EXTL1: variants seen among roughly 807,000 people sequenced by gnomAD.
EXTL1 encodes exostosin like glycosyltransferase 1.
Under a neutral mutation model 64.6 loss-of-function variants are expected in EXTL1, and 43 were observed. That is an observed-to-expected ratio of 0.67 (90% CI 0.52 to 0.86). The LOEUF (loss-of-function observed/expected upper bound fraction) is 0.86. Ranked by LOEUF, EXTL1 falls within the 40% of genes least tolerant of loss-of-function variation. The probability of loss-of-function intolerance (pLI) is 0.00; values close to 1 mark genes in which losing one functional copy is unlikely to be tolerated. For missense variants in EXTL1, 766 were observed against 879.0 expected (o/e 0.87, Z 1.62); for synonymous variants, 352 against 360.5 (o/e 0.98, Z 0.27).
In EXTL1 at chr1:26,035,018, G is replaced by A. The variant is rs749602437; in HGVS notation, c.1848+14G>A. 7 of 1,613,566 alleles carry A rather than the reference G, an allele frequency of 4.3e-6. No homozygotes were observed. In the African/African-American group the frequency reaches 6.7e-5, roughly 15 times the overall value. ...GCTGCTCCACTGGTGAGGGCTGAGG[G>A]GGATTGGTCGGAACTGGCAGGGATT... On this transcript the variant is annotated intron_variant, in intron 10 of 10. Transcript: ENST00000374280. The surrounding 1 kb of genome is among the most constrained non-coding windows in gnomAD (Gnocchi z 5.3).
Position 26,034,604 on chromosome 1 carries a change from G to A in EXTL1, c.1680-232G>A, listed in dbSNP as rs2050319521. On this transcript the variant is annotated intron_variant, in intron 9 of 10. Coordinates refer to ENST00000374280, the MANE Select transcript of EXTL1 (RefSeq NM_004455.3). The surrounding 1 kb of genome is among the most constrained non-coding windows in gnomAD (Gnocchi z 4.6). ...AGCGCTCAGAGCCCAAGGATGGGGG[G>A]CCCAAGGAGCTGTGAGGGAGAGGGC... 6.6e-6 allele frequency among the ~76,000 whole-genome samples: 1 copy of A among 152,164 alleles called. No homozygotes were observed. The highest frequency in any genetic ancestry group is 2.4e-5 in the African/African-American group (1 of 41,420).
Position 26,033,356 on chromosome 1 carries a change from C to T in EXTL1, c.1518+41C>T. On this transcript the variant is annotated intron_variant, in intron 8 of 10. Transcript: ENST00000374280. This position sits in a 1 kb window ranked among gnomAD's most constrained non-coding sequence, Gnocchi z 5.1. Reference sequence around the variant, plus strand: ...AAGAGAAGCCCAGTGTGGGTAGACACAGAGCCAGAGGGCCCTGGCAGCCCC... The same window carrying T: ...AAGAGAAGCCCAGTGTGGGTAGACATAGAGCCAGAGGGCCCTGGCAGCCCC... The T allele has an allele frequency of 1.3e-6, 2 of 1,543,420 alleles. No homozygotes were observed. The highest frequency in any genetic ancestry group is 1.1e-5 in the South Asian group (1 of 89,690).
Position 26,035,058 on chromosome 1 carries a change from G to A in EXTL1, c.1848+54G>A. The stretch of plus-strand genomic sequence containing the variant: ...TGGCAGGGATTGGGCGGGGATGCCG[G>A]AGAGGATTCCCTCTCACTGTCTAAT... On this transcript the variant is annotated intron_variant, in intron 10 of 10. Coordinates refer to ENST00000374280, the MANE Select transcript of EXTL1 (RefSeq NM_004455.3). This position sits in a 1 kb window ranked among gnomAD's most constrained non-coding sequence, Gnocchi z 5.3. The A allele has an allele frequency of 6.2e-7, 1 of 1,605,138 alleles. No homozygotes were observed. The highest frequency in any genetic ancestry group is 8.5e-7 in the Non-Finnish European group (1 of 1,173,578).
In EXTL1 at chr1:26,031,126, T is replaced by C. The variant is rs577312764; in HGVS notation, c.1102-6T>C. Reference sequence around the variant, plus strand: ...CTCGCTCTGCTCAGCTTCTCTCTCATTTTAGGTTATTCAGGACCGGATTTT... The same window carrying C: ...CTCGCTCTGCTCAGCTTCTCTCTCACTTTAGGTTATTCAGGACCGGATTTT... On this transcript the variant is annotated splice_region_variant and splice_polypyrimidine_tract_variant and intron_variant, in intron 4 of 10. Coordinates refer to ENST00000374280, the MANE Select transcript of EXTL1 (RefSeq NM_004455.3). The C allele has an allele frequency of 2.5e-6, 4 of 1,613,996 alleles. No homozygotes were observed. The African/African-American group carries it at 5.3e-5, about 22-fold the overall frequency.
In EXTL1 at chr1:26,034,428, C is replaced by A. The variant is rs1366403349; in HGVS notation, c.1680-408C>A. Among the ~76,000 whole-genome samples, 2 of 152,296 alleles carry A rather than the reference C, an allele frequency of 1.3e-5. No individual in the cohort carries two copies. Among genetic ancestry groups the A allele is most frequent in the Middle Eastern group, 3.4e-3 (1 of 294 alleles). On this transcript the variant is annotated intron_variant, in intron 9 of 10. Transcript: ENST00000374280. This position sits in a 1 kb window ranked among gnomAD's most constrained non-coding sequence, Gnocchi z 4.6. ...AGAGTGAAGAATTACCTAATGTCTG[C>A]GAGATGAGGCTGGCCTGTCTGAGGG...
At position 26,035,263 on chromosome 1, in the gene EXTL1, C is replaced by T. The variant is rs1403028415; in HGVS notation, c.1947C>T (p.Ser649=). 1 of 1,613,706 alleles carries T rather than the reference C, an allele frequency of 6.2e-7. No homozygotes were observed. The highest frequency in any genetic ancestry group is 1.1e-5 in the South Asian group (1 of 91,086). The change falls in exon 11 of 11, where the codon TCC becomes TCT. Residue 649 remains serine, a synonymous_variant. Transcript: ENST00000374280. The surrounding 1 kb of genome is among the most constrained non-coding windows in gnomAD (Gnocchi z 5.3). ...AAAFGHMPLL[S]SRLRLDPVLF... is the part of the protein sequence containing the mutation. ...CGTTCGGCCACATGCCCTTGCTGTC[C>T]TCTCGTCTGCGTCTGGACCCGGTGC...
chr1:26,035,418 G>T lies in EXTL1; in HGVS notation c.*71G>T. ...CAGGGGGCCCGGCGCCTGCCGGCGGGCTCCGCTCTTGGGACACCGGAGAAC... is the reference window on the plus strand; with the variant it reads ...CAGGGGGCCCGGCGCCTGCCGGCGGTCTCCGCTCTTGGGACACCGGAGAAC... On this transcript the variant is annotated 3_prime_UTR_variant, in exon 11 of 11. Coordinates refer to ENST00000374280, the MANE Select transcript of EXTL1 (RefSeq NM_004455.3). This position sits in a 1 kb window ranked among gnomAD's most constrained non-coding sequence, Gnocchi z 5.3. 1.4e-6 allele frequency: 2 copies of T among 1,431,872 alleles called. No homozygotes were observed. Among genetic ancestry groups the T allele is most frequent in the South Asian group, 1.3e-5 (1 of 75,600 alleles). The allele number at this position is 1,431,872 out of a possible 1,614,324, so 88.7% of individuals were successfully genotyped here.
chr1:26,026,923 A>G (rs577974708), intron 1 of EXTL1, among the ~76,000 whole-genome samples: 1 of 152,346 alleles, frequency 6.6e-6, no homozygotes, highest in Admixed American at 6.5e-5. Context: ...GTGCTCATCC[A>G]GTCTCTACTT....
Position 26,023,218 on chromosome 1 carries a change from G to T in EXTL1, c.572G>T (p.Arg191Leu). Residue 191 changes from arginine to leucine, a missense_variant, in exon 1 of 11, where the codon CGG (arginine) becomes CTG (leucine). This residue lies in a region of EXTL1 where 571 missense variants were observed against 647.6 expected (regional missense o/e 0.88). Transcript: ENST00000374280. ...AEASPTVDSF[R>L]PGFDVALPFL... ...GCCAGCCCCACGGTGGACTCCTTCC[G>T]GCCCGGCTTTGATGTGGCCCTCCCT... The T allele has an allele frequency of 6.2e-7, 1 of 1,610,790 alleles. No homozygotes were observed. The highest frequency in any genetic ancestry group is 8.5e-7 in the Non-Finnish European group (1 of 1,177,890).
Position 26,035,232 on chromosome 1 carries a change from C to T in EXTL1, c.1916C>T (p.Ala639Val), listed in dbSNP as rs779394401. 34 of 1,613,456 alleles carry T rather than the reference C, an allele frequency of 2.1e-5. No individual in the cohort carries two copies. The highest frequency in any genetic ancestry group is 2.8e-5 in the Non-Finnish European group (33 of 1,179,902). ...APAPDCINQI[A>V]AAFGHMPLLS... is the part of the protein sequence containing the mutation. Reference sequence around the variant, plus strand: ...GCCCCCGACTGCATCAACCAGATAGCGGCAGCGTTCGGCCACATGCCCTTG... The same window carrying T: ...GCCCCCGACTGCATCAACCAGATAGTGGCAGCGTTCGGCCACATGCCCTTG... Residue 639 changes from alanine (A) to valine (V), a missense_variant, in exon 11 of 11, where the codon GCG (alanine) becomes GTG (valine). Around this residue, in one of 3 missense-constraint regions of EXTL1, gnomAD observed 194 missense variants for 214.5 expected, o/e 0.90. Transcript: ENST00000374280. The surrounding 1 kb of genome is among the most constrained non-coding windows in gnomAD (Gnocchi z 5.3).
chr1:26,032,924 T>A (rs1185425136), intron 7 of EXTL1, among the ~76,000 whole-genome samples: 1 of 151,956 alleles, frequency 6.6e-6, no homozygotes, highest in Non-Finnish European at 1.5e-5. Context: ...CCTCCCAGAG[T>A]TGATGTGACA....
chr1:26,029,711 G>A lies in EXTL1; in HGVS notation c.981+4G>A. On this transcript the variant is annotated splice_donor_region_variant and intron_variant, in intron 3 of 10. Transcript: ENST00000374280. ...TGATGAGAGGCTCCCACTTCAGGTA[G>A]CTCAGAGCCCTGCCCACAGGGTGGG... 6.3e-7 allele frequency: 1 copy of A among 1,595,020 alleles called. No homozygotes were observed. The highest frequency in any genetic ancestry group is 8.6e-7 in the Non-Finnish European group (1 of 1,164,782).
chr1:26,035,399 G>A lies in EXTL1; in HGVS notation c.*52G>A, dbSNP rs1372058941. 3 of 1,506,368 alleles carry A rather than the reference G, an allele frequency of 2.0e-6. No individual in the cohort carries two copies. Among genetic ancestry groups the A allele is most frequent in the Admixed American group, 2.2e-5 (1 of 45,520 alleles). The allele number at this position is 1,506,368 out of a possible 1,614,324, so 93.3% of individuals were successfully genotyped here. ...GAGGTCGCAGCCCAGCTCCCAGGGGGCCCGGCGCCTGCCGGCGGGCTCCGC... is the reference window on the plus strand; with the variant it reads ...GAGGTCGCAGCCCAGCTCCCAGGGGACCCGGCGCCTGCCGGCGGGCTCCGC... On this transcript the variant is annotated 3_prime_UTR_variant, in exon 11 of 11. Transcript: ENST00000374280. This position sits in a 1 kb window ranked among gnomAD's most constrained non-coding sequence, Gnocchi z 5.3.
Position 26,034,696 on chromosome 1 carries a change from G to T in EXTL1, c.1680-140G>T. Reference sequence around the variant, plus strand: ...CACAATGGAGAGCTGTTCACGCCAGGGATGGGAGCTCTCTGAGGCAGCCAG... The same window carrying T: ...CACAATGGAGAGCTGTTCACGCCAGTGATGGGAGCTCTCTGAGGCAGCCAG... On this transcript the variant is annotated intron_variant, in intron 9 of 10. Coordinates refer to ENST00000374280, the MANE Select transcript of EXTL1 (RefSeq NM_004455.3). This position sits in a 1 kb window ranked among gnomAD's most constrained non-coding sequence, Gnocchi z 4.6. 1.3e-6 allele frequency: 1 copy of T among 788,378 alleles called. No homozygotes were observed. Among genetic ancestry groups the T allele is most frequent in the Non-Finnish European group, 2.1e-6 (1 of 477,802 alleles). 48.8% of individuals were successfully genotyped at this position (788,378 alleles called of 1,614,324 possible).
rs762006652 is a variant in EXTL1, at chr1:26,033,061, G to A, written c.1432-168G>A. ...ATGAGTTGCCCAGGTCCCAAAACGA[G>A]CTCTGCACAGGCTTGCCATATTTGA... is the stretch of plus-strand genomic sequence containing the variant. On this transcript the variant is annotated intron_variant, in intron 7 of 10. Coordinates refer to ENST00000374280, the MANE Select transcript of EXTL1 (RefSeq NM_004455.3). This position sits in a 1 kb window ranked among gnomAD's most constrained non-coding sequence, Gnocchi z 5.1. 6.6e-6 allele frequency among the ~76,000 whole-genome samples: 1 copy of A among 152,158 alleles called. No individual in the cohort carries two copies. Among genetic ancestry groups the A allele is most frequent in the African/African-American group, 2.4e-5 (1 of 41,428 alleles).
chr1:26,032,488 A>T lies in EXTL1; in HGVS notation c.1431+3A>T. 4 of 1,550,302 alleles carry T rather than the reference A, an allele frequency of 2.6e-6. No individual in the cohort carries two copies. The highest frequency in any genetic ancestry group is 3.5e-6 in the Non-Finnish European group (4 of 1,146,092). On this transcript the variant is annotated splice_donor_region_variant and intron_variant, in intron 7 of 10. Transcript: ENST00000374280. The stretch of plus-strand genomic sequence containing the variant: ...CAGTCATTGATGGGCACAGGAAGGT[A>T]AGGGATGAGGAGAGCCATGAAAGGG...
chr1:26,030,538 G>A lies in EXTL1; in HGVS notation c.1044G>A (p.Gln348=), dbSNP rs2050271209. 9.3e-6 allele frequency: 15 copies of A among 1,613,750 alleles called. 2 individuals are homozygous for A. The highest frequency in any genetic ancestry group is 1.7e-4 in the Middle Eastern group (1 of 5,884). The stretch of plus-strand genomic sequence containing the variant: ...TCCTCGCCCTGCGTCAGCAGACCCA[G>A]TTTCTATGGGATGCCTACTTCTCCT... ...ARVLALRQQT[Q]FLWDAYFSSV... is the part of the protein sequence containing the mutation. The change falls in exon 4 of 11, where the codon CAG becomes CAA. Residue 348 remains glutamine, a synonymous_variant. Coordinates refer to ENST00000374280, the MANE Select transcript of EXTL1 (RefSeq NM_004455.3).
Position 26,033,942 on chromosome 1 carries a change from AC to A in EXTL1, c.1679+90del. ...CCCCGAACGGAGCAGAGTGGCCTAG[AC>A]CCCAGGGATCCAGGTTCAAGGCCGA... On this transcript the variant is annotated intron_variant, in intron 9 of 10. Transcript: ENST00000374280. The surrounding 1 kb of genome is among the most constrained non-coding windows in gnomAD (Gnocchi z 5.1). 1 of 1,289,584 alleles carries A rather than the reference AC, an allele frequency of 7.8e-7. No homozygotes were observed. The highest frequency in any genetic ancestry group is 1.0e-6 in the Non-Finnish European group (1 of 964,888). The allele number at this position is 1,289,584 out of a possible 1,614,324, so 79.9% of individuals were successfully genotyped here.
Position 26,030,659 on chromosome 1 carries a change from C to T in EXTL1, c.1101+64C>T. On this transcript the variant is annotated intron_variant, in intron 4 of 10. Transcript: ENST00000374280. ...TCCTGCTTCATCCCTGTCACCTCTC[C>T]ATACTTCTCTGCCACAGTGTTTGGG... is the stretch of plus-strand genomic sequence containing the variant. The T allele has an allele frequency of 6.5e-6, 10 of 1,534,950 alleles. No individual in the cohort carries two copies. The East Asian group carries it at 1.6e-4, about 25-fold the overall frequency.
Sources: gnomAD v4.1 joint callset for allele counts (sites outside exome capture counted in the v4.1 genomes callset) on GRCh38, gnomAD v4.1.1 for gene constraint, gnomAD v4.1.1 regional missense constraint, Gnocchi (gnomAD v3.1) non-coding constraint, MANE v1.5 for transcripts, NCBI Gene and HGNC (gene_info 2026-07-23, HGNC 2026-07-21) for gene names.